Variants in STON1 observed in about 807,000 individuals in gnomAD.
STON1 encodes the protein stonin 1.
A neutral mutation model predicts 60.9 loss-of-function variants in STON1; 79 were observed. The observed-to-expected ratio is 1.30, with a 90% CI of 1.08 to 1.56. The LOEUF is 1.56. Among genes scored for constraint, STON1 ranks in the 40% most tolerant of loss-of-function variants. STON1 has a pLI of 0.00. For missense variants in STON1, 1,166 were observed against 858.9 expected (o/e 1.36, Z -4.47); for synonymous variants, 363 against 306.9 (o/e 1.18, Z -1.91).
chr2:48,540,375 A>G (rs1320928119), intron 1 of STON1, among the ~76,000 whole-genome samples: 1 of 152,170 alleles, frequency 6.6e-6, no homozygotes, highest in Non-Finnish European at 1.5e-5. Context: ...ACCCCAAGGC[A>G]GGACTCTAAT....
chr2:48,557,912 T>A (rs1161919246), intron 1 of STON1, among the ~76,000 whole-genome samples: 1 of 152,324 alleles, frequency 6.6e-6, no homozygotes, highest in Non-Finnish European at 1.5e-5. Flanking sequence ...GCTTTGTATA[T>A]AGGACCTTAA....
intron 1 of STON1, among the ~76,000 whole-genome samples, chr2:48,572,139 G>T (rs926463449): frequency 6.6e-6 from 1 of 152,134 alleles, no homozygotes; most frequent in South Asian, 2.1e-4. Context: ...CTCCAGCCTG[G>T]GTGACAGAGG....
At chr2:48,564,244 T>C (rs1363706623) in intron 1 of STON1, among the ~76,000 whole-genome samples, 1 of 152,198 alleles carries the variant, frequency 6.6e-6, no homozygotes, top group Non-Finnish European at 1.5e-5. Flanking sequence ...AGGTGGCTTA[T>C]AAGCAACAGA....
chr2:48,535,436 G>T (rs918292194), intron 1 of STON1, among the ~76,000 whole-genome samples: 1 of 152,154 alleles, frequency 6.6e-6, no homozygotes, highest in Non-Finnish European at 1.5e-5. Context: ...CCCCTCACAG[G>T]CAAGCAGCTC....
rs147440328 is a variant in STON1 at position 48,582,428 on chromosome 2, C to A, written c.1795C>A (p.Arg599Ser). The A allele has an allele frequency of 5.6e-6, 9 of 1,614,134 alleles. No individual in the cohort carries two copies. The highest frequency in any genetic ancestry group is 7.6e-6 in the Non-Finnish European group (9 of 1,180,040). ...RQKSLKAKMN[R>S]RACLGSLQEL... ...GAAGTCTCTGAAAGCTAAAATGAAC[C>A]GCCGAGCATGTCTGGGGAGTTTACA... The change falls in exon 2 of 4, where the codon CGC becomes AGC. Residue 599 changes from arginine (R) to serine (S), a missense_variant. Physicochemically the swap from Arg to Ser is moderately radical, Grantham distance 110 (BLOSUM62 -1). Coordinates refer to ENST00000404752, the MANE Select transcript of STON1 (RefSeq NM_006873.4).
intron 1 of STON1, among the ~76,000 whole-genome samples, chr2:48,567,473 G>A (rs1413002661): frequency 3.9e-5 from 6 of 152,030 alleles, no homozygotes; most frequent in Non-Finnish European, 5.9e-5. Context: ...GTGCAATGGC[G>A]CGATCTTAGC....
At chr2:48,594,039 T>A (rs1674669334) in intron 3 of STON1, among the ~76,000 whole-genome samples, 1 of 152,190 alleles carries the variant, frequency 6.6e-6, no homozygotes, top group Non-Finnish European at 1.5e-5. Flanking sequence ...TCAGCCCAGC[T>A]TCAGCTCTCC....
chr2:48,554,637 G>A (rs1040070964), intron 1 of STON1, among the ~76,000 whole-genome samples: 2 of 152,058 alleles, frequency 1.3e-5, no homozygotes, highest in African/African-American at 2.4e-5. Flanking sequence ...GGCTAAGGTC[G>A]AAAATGTCAG....
At position 48,564,408 on chromosome 2, in the gene STON1, T is replaced by G. The variant is rs866839760; in HGVS notation, c.-47-16179T>G. 5.6e-3 allele frequency among the ~76,000 whole-genome samples: 122 copies of G among 21,822 alleles called. 2 individuals are homozygous for G. The highest frequency in any genetic ancestry group is 0.015 in the African/African-American group (92 of 6,262). 14.3% of individuals were successfully genotyped at this position (21,822 alleles called of 152,430 possible). On this transcript the variant is annotated intron_variant, in intron 1 of 3. Transcript: ENST00000404752. ...GTCCTCCAGTGGCAGTGGCGGTGTC[T>G]TCTTCTTCTTCTTCTTCTTCTTCTT...
chr2:48,585,541 G>T (rs149439901), intron 2 of STON1, among the ~76,000 whole-genome samples: 1 of 152,284 alleles, frequency 6.6e-6, no homozygotes, highest in East Asian at 1.9e-4. Flanking sequence ...GAGCCACCGT[G>T]CCTGGCCCCT....
intron 1 of STON1, among the ~76,000 whole-genome samples, chr2:48,545,777 C>T (rs752096339): frequency 6.6e-6 from 1 of 152,194 alleles, no homozygotes; most frequent in Non-Finnish European, 1.5e-5. Flanking sequence ...ACTTCTCTAC[C>T]TCCACCCCTT....
intron 1 of STON1, among the ~76,000 whole-genome samples, chr2:48,570,273 G>A (rs982623784): frequency 1.3e-5 from 2 of 152,152 alleles, no homozygotes; most frequent in African/African-American, 4.8e-5. Context: ...AGGTAGAAGT[G>A]TAGTGAGCTG....
intron 1 of STON1, among the ~76,000 whole-genome samples, chr2:48,579,085 C>A (rs539400469): frequency 9.7e-4 from 147 of 152,062 alleles, no homozygotes; most frequent in African/African-American, 3.4e-3. Context: ...TTCACTGCAA[C>A]CTCTGCCTCC....
In STON1 at chr2:48,564,733, C is replaced by CT. The variant is rs776637856; in HGVS notation, c.-47-15837dup. 8.7e-3 allele frequency among the ~76,000 whole-genome samples: 879 copies of CT among 100,896 alleles called. 37 individuals carry two copies. The highest frequency in any genetic ancestry group is 0.028 in the African/African-American group (713 of 25,814). The allele number at this position is 100,896 out of a possible 152,430, so 66.2% of individuals were successfully genotyped here. A position where few individuals can be genotyped will look rare whatever the true frequency, so the allele number is the denominator to read the frequency against. ...TTATTTCTTCTTTCTTTCTTTCTTT[C>CT]TTTTTTTTTTTTTTTTTAAGATGGA... On this transcript the variant is annotated intron_variant, in intron 1 of 3. Transcript: ENST00000404752.
At chr2:48,594,157 G>A (rs1325547312) in intron 3 of STON1, among the ~76,000 whole-genome samples, 4 of 152,012 alleles carry the variant, frequency 2.6e-5, no homozygotes, top group Admixed American at 6.6e-5. Context: ...TGAACTCAAC[G>A]GCACTCTCCA....
At chr2:48,549,883 TG>T (rs1265430091) in intron 1 of STON1, among the ~76,000 whole-genome samples, 1 of 135,464 alleles carries the variant, frequency 7.4e-6, no homozygotes, top group African/African-American at 2.7e-5. Context: ...GGAACCTGGC[TG>T]GGGGTGGGTG....
rs568092143 is a variant in STON1, at chr2:48,537,829, G to A, written c.-48+7613G>A. ...TGCACCACTGCCCTCCAGACTGGGCGACAGAGCAAGACTTCATCTCAAAAA... is the reference window on the plus strand; with the variant it reads ...TGCACCACTGCCCTCCAGACTGGGCAACAGAGCAAGACTTCATCTCAAAAA... On this transcript the variant is annotated intron_variant, in intron 1 of 3. Transcript: ENST00000404752. Among the ~76,000 whole-genome samples the A allele has an allele frequency of 3.8e-5, 5 of 132,510 alleles. No homozygotes were observed. In the East Asian group the frequency reaches 8.6e-4, roughly 23 times the overall value. The allele number at this position is 132,510 out of a possible 152,430, so 86.9% of individuals were successfully genotyped here.
chr2:48,535,480 T>TG (rs1671387478), intron 1 of STON1, among the ~76,000 whole-genome samples: 2 of 152,102 alleles, frequency 1.3e-5, no homozygotes, highest in Non-Finnish European at 2.9e-5. Flanking sequence ...TTGTGGAAGG[T>TG]ACCTTGAGAT....
chr2:48,535,256 G>A (rs895117272), intron 1 of STON1, among the ~76,000 whole-genome samples: 1 of 152,154 alleles, frequency 6.6e-6, no homozygotes, highest in Non-Finnish European at 1.5e-5. Context: ...CTCATTGCTG[G>A]ATGCTTATTA....
Sources: allele counts gnomAD v4.1 joint callset (sites outside exome capture counted in the v4.1 genomes callset), GRCh38; gene constraint gnomAD v4.1.1; transcripts MANE v1.5; gene names NCBI Gene and HGNC (gene_info 2026-07-23, HGNC 2026-07-21).